The following MACROD2 variants were observed in gnomAD, a reference collection of about 807,000 sequenced individuals.
MACROD2 encodes mono-ADP ribosylhydrolase 2, also known as ADP-ribose glycohydrolase MACROD2.
A neutral mutation model predicts 70.4 loss-of-function variants in MACROD2; 36 were observed. The ratio of observed to expected loss-of-function variants is 0.51; its 90% CI spans 0.39 to 0.68. The LOEUF is 0.68. MACROD2 is among the 30% of genes least tolerant of loss of function. The probability of loss-of-function intolerance (pLI) is 0.00; values close to 1 mark genes in which losing one functional copy is unlikely to be tolerated. For synonymous variants in MACROD2, 172 were observed against 178.8 expected (o/e 0.96, Z 0.30); for missense variants, 496 against 538.4 (o/e 0.92, Z 0.78).
At chr20:15,212,475 A>G (rs893972333) in intron 5 of MACROD2, among the ~76,000 whole-genome samples, 1 of 152,200 alleles carries the variant, frequency 6.6e-6, no homozygotes, top group Non-Finnish European at 1.5e-5. Flanking sequence ...TAAAGTAGAG[A>G]GTAGACAAGT....
intron 3 of MACROD2, among the ~76,000 whole-genome samples, chr20:14,441,416 A>C (rs1374361048): frequency 6.6e-6 from 1 of 152,090 alleles, no homozygotes; most frequent in Non-Finnish European, 1.5e-5. Flanking sequence ...TGCAATAATA[A>C]ATGAGTTTTA....
chr20:15,388,620 G>T (rs193204654), intron 6 of MACROD2, among the ~76,000 whole-genome samples: 1 of 152,108 alleles, frequency 6.6e-6, no homozygotes, highest in Non-Finnish European at 1.5e-5. Context: ...TTATTTGCTA[G>T]ATCAGCAACC....
intron 10 of MACROD2, among the ~76,000 whole-genome samples, chr20:15,905,602 A>G (rs1298231753): frequency 6.6e-6 from 1 of 152,222 alleles, no homozygotes; most frequent in East Asian, 1.9e-4. Context: ...TTGAGGACTT[A>G]TAATATTAGG....
chr20:14,908,508 A>G (rs1295812770), intron 5 of MACROD2, among the ~76,000 whole-genome samples: 1 of 151,998 alleles, frequency 6.6e-6, no homozygotes, highest in Non-Finnish European at 1.5e-5. Context: ...TACAAAAATT[A>G]GCCGGACTTG....
chr20:14,264,561 A>T (rs2082127770), intron 3 of MACROD2, among the ~76,000 whole-genome samples: 1 of 152,192 alleles, frequency 6.6e-6, no homozygotes, highest in Non-Finnish European at 1.5e-5. Context: ...AAAGACAAGG[A>T]TGATAACAGT....
intron 6 of MACROD2, among the ~76,000 whole-genome samples, chr20:15,390,465 TTGAGAAC>T (rs1314134066): frequency 6.6e-6 from 1 of 152,236 alleles, no homozygotes; most frequent in African/African-American, 2.4e-5. Flanking sequence ...TCTAAATCTC[TTGAGAAC>T]TGACACTTTG....
chr20:14,925,830 G>A (rs570918181), intron 5 of MACROD2, among the ~76,000 whole-genome samples: 6 of 152,086 alleles, frequency 3.9e-5, no homozygotes, highest in African/African-American at 4.8e-5. Flanking sequence ...TTCTTGGTGC[G>A]TTTCATTGGA....
At chr20:15,040,795 A>C (rs2075350240) in intron 5 of MACROD2, among the ~76,000 whole-genome samples, 1 of 152,150 alleles carries the variant, frequency 6.6e-6, no homozygotes, top group African/African-American at 2.4e-5. Flanking sequence ...TCATTGTGGC[A>C]ATTTGTAATA....
intron 7 of MACROD2, among the ~76,000 whole-genome samples, chr20:15,494,567 A>G (rs2047270255): frequency 6.6e-6 from 1 of 152,216 alleles, no homozygotes; most frequent in Non-Finnish European, 1.5e-5. Flanking sequence ...ATATAGACAA[A>G]AAAGAACACA....
At position 14,818,543 on chromosome 20, in the gene MACROD2, T is replaced by C. The variant is rs555713236; in HGVS notation, c.418+133584T>C. Among the ~76,000 whole-genome samples, 10 of 152,176 alleles carry C rather than the reference T, an allele frequency of 6.6e-5. 1 individual carries two copies. In the South Asian group the frequency reaches 2.1e-3, roughly 32 times the overall value. On this transcript the variant is annotated intron_variant, in intron 5 of 17. Transcript: ENST00000684519. ...GAAACATTCAGATGATTTCAAGATTTTGACACATGAAGATTCCAGGTTCAC... is the reference window on the plus strand; with the variant it reads ...GAAACATTCAGATGATTTCAAGATTCTGACACATGAAGATTCCAGGTTCAC...
At chr20:15,408,980 T>G (rs2046041166) in intron 6 of MACROD2, among the ~76,000 whole-genome samples, 1 of 152,250 alleles carries the variant, frequency 6.6e-6, no homozygotes, top group African/African-American at 2.4e-5. Flanking sequence ...CCTAAAAGAT[T>G]GATATTAATG....
chr20:14,452,860 G>T (rs781628344), intron 3 of MACROD2, among the ~76,000 whole-genome samples: 3 of 152,052 alleles, frequency 2.0e-5, no homozygotes, highest in Non-Finnish European at 4.4e-5. Flanking sequence ...GTTTCTTGAT[G>T]CACATCTTAC....
chr20:15,998,903 T>A (rs974120244), intron 15 of MACROD2, among the ~76,000 whole-genome samples: 1 of 152,106 alleles, frequency 6.6e-6, no homozygotes, highest in African/African-American at 2.4e-5. Context: ...AGTTTGTAAA[T>A]TTTGTTAATT....
intron 7 of MACROD2, among the ~76,000 whole-genome samples, chr20:15,474,457 A>C (rs766439349): frequency 6.6e-6 from 1 of 152,202 alleles, no homozygotes; most frequent in Admixed American, 6.5e-5. Flanking sequence ...CACACTCTAC[A>C]GTGGAGATCT....
chr20:14,811,941 A>C (rs2072717400), intron 5 of MACROD2, among the ~76,000 whole-genome samples: 1 of 152,114 alleles, frequency 6.6e-6, no homozygotes, highest in East Asian at 1.9e-4. Context: ...GATGCTGGAG[A>C]GGACGTGGAG....
intron 4 of MACROD2, among the ~76,000 whole-genome samples, chr20:14,675,486 T>C (rs532466218): frequency 6.6e-6 from 1 of 152,178 alleles, no homozygotes; most frequent in Admixed American, 6.5e-5. Context: ...ATAAAATCCT[T>C]TACAGACAAG....
At chr20:15,899,904 T>G (rs2065038963) in intron 10 of MACROD2, among the ~76,000 whole-genome samples, 1 of 150,186 alleles carries the variant, frequency 6.7e-6, no homozygotes, top group African/African-American at 2.4e-5. Flanking sequence ...ATGATAATAT[T>G]AAAGTTATTA....
chr20:14,473,749 A>G (rs2084557472), intron 3 of MACROD2, among the ~76,000 whole-genome samples: 1 of 152,192 alleles, frequency 6.6e-6, no homozygotes, highest in East Asian at 1.9e-4. Flanking sequence ...TAGCTTAACT[A>G]CTTTTCATAT....
rs187133124 is a variant in MACROD2, at chr20:15,530,912, T to C, written c.645+31065T>C. On this transcript the variant is annotated intron_variant, in intron 8 of 17. Transcript: ENST00000684519. ...TTGACACCACTTATTGGTTTATTCT[T>C]TATCCTTAGATACTTTTTAATGAAA... Among the ~76,000 whole-genome samples, 559 of 152,114 alleles carry C rather than the reference T, an allele frequency of 3.7e-3. 1 individual carries two copies. The highest frequency in any genetic ancestry group is 5.1e-3 in the Non-Finnish European group (347 of 67,984).
Sources: gnomAD v4.1 joint callset for allele counts (sites outside exome capture counted in the v4.1 genomes callset) on GRCh38, gnomAD v4.1.1 for gene constraint, MANE v1.5 for transcripts, NCBI Gene and HGNC (gene_info 2026-07-23, HGNC 2026-07-21) for gene names.